The following HPSE2 variants were observed in gnomAD, a reference collection of about 807,000 sequenced individuals.
HPSE2 encodes inactive heparanase-2.
Under a neutral mutation model 60.5 loss-of-function variants are expected in HPSE2, and 38 were observed. The ratio of observed to expected loss-of-function variants is 0.63; its 90% confidence interval spans 0.48 to 0.82. The LOEUF is 0.82. Among genes scored for constraint, HPSE2 ranks in the 40% least tolerant of loss-of-function variants. HPSE2 has a pLI of 0.00. For missense variants in HPSE2, 713 were observed against 740.4 expected, an observed-to-expected ratio of 0.96 and a Z score of 0.43; for synonymous variants, 295 against 293.2, an observed-to-expected ratio of 1.01 and a Z score of -0.06.
At chr10:99,287,657 A>C in the HPSE2 span, among the ~76,000 whole-genome samples, 1 of 152,350 alleles carries the variant, frequency 6.6e-6, no homozygotes, top group African/African-American at 2.4e-5. Context: ...TATCACACCA[A>C]CTTCAAACAT....
At chr10:98,667,579 A>T (rs1947398164) in intron 6 of HPSE2, among the ~76,000 whole-genome samples, 1 of 152,200 alleles carries the variant, frequency 6.6e-6, no homozygotes. Flanking sequence ...TTAATTCACC[A>T]CAATCAAGTA....
At chr10:98,917,576 A>C (rs1163769329) in intron 3 of HPSE2, among the ~76,000 whole-genome samples, 2 of 152,220 alleles carry the variant, frequency 1.3e-5, no homozygotes, top group African/African-American at 4.8e-5. Context: ...CTTTAAAAGG[A>C]AAATAGTATT....
chr10:98,483,999 C>A (rs1004516434), intron 10 of HPSE2, among the ~76,000 whole-genome samples: 3 of 152,132 alleles, frequency 2.0e-5, no homozygotes, highest in African/African-American at 7.2e-5. Flanking sequence ...TCCTCATACC[C>A]CTAAGAACAC....
intron 3 of HPSE2, among the ~76,000 whole-genome samples, chr10:98,804,625 C>CTAA (rs1950998790): frequency 6.6e-6 from 1 of 151,970 alleles, no homozygotes; most frequent in Admixed American, 6.6e-5. Context: ...CAAAGACAGG[C>CTAA]AATAACAAAT....
At chr10:98,619,249 C>T (rs976707111) in intron 8 of HPSE2, among the ~76,000 whole-genome samples, 1 of 152,172 alleles carries the variant, frequency 6.6e-6, no homozygotes, top group Non-Finnish European at 1.5e-5. Flanking sequence ...GTCAAAAATC[C>T]AAGGCCATAG....
the HPSE2 span, among the ~76,000 whole-genome samples, chr10:99,277,573 G>A: frequency 6.6e-6 from 1 of 152,140 alleles, no homozygotes; most frequent in Non-Finnish European, 1.5e-5. Context: ...ACCCCTGAGG[G>A]AACTTAAGAT....
intron 3 of HPSE2, among the ~76,000 whole-genome samples, chr10:98,745,726 A>G (rs1301874793): frequency 6.6e-6 from 1 of 152,180 alleles, no homozygotes; most frequent in African/African-American, 2.4e-5. Flanking sequence ...CAGGTAGTAC[A>G]CAGTTTTAAA....
At chr10:98,762,926 C>A (rs2134392837) in intron 3 of HPSE2, among the ~76,000 whole-genome samples, 1 of 152,194 alleles carries the variant, frequency 6.6e-6, no homozygotes, top group East Asian at 1.9e-4. Flanking sequence ...GACTTGAAAG[C>A]AGCCAGTATA....
chr10:98,727,821 C>T (rs984864278), intron 4 of HPSE2, among the ~76,000 whole-genome samples: 4 of 151,902 alleles, frequency 2.6e-5, no homozygotes, highest in Admixed American at 2.0e-4. Flanking sequence ...TAATCTCATA[C>T]AGGAGAACAC....
At chr10:99,185,461 C>T (rs948801349) in intron 2 of HPSE2, among the ~76,000 whole-genome samples, 1 of 152,032 alleles carries the variant, frequency 6.6e-6, no homozygotes, top group Non-Finnish European at 1.5e-5. Context: ...ATGAAAAAGG[C>T]ACATACAGGT....
intron 3 of HPSE2, among the ~76,000 whole-genome samples, chr10:98,891,461 T>G (rs529958804): frequency 6.6e-6 from 1 of 152,270 alleles, no homozygotes; most frequent in African/African-American, 2.4e-5. Flanking sequence ...TTATTATTTT[T>G]AAGTAGAGAC....
At chr10:99,262,121 C>T in the HPSE2 span, among the ~76,000 whole-genome samples, 1 of 152,160 alleles carries the variant, frequency 6.6e-6, no homozygotes, top group Non-Finnish European at 1.5e-5. Context: ...CTTTGGATAA[C>T]TCTTATAGTG....
At chr10:98,889,096 A>AT (rs371455877) in intron 3 of HPSE2, among the ~76,000 whole-genome samples, 27 of 151,658 alleles carry the variant, frequency 1.8e-4, no homozygotes, top group African/African-American at 4.8e-4. Context: ...AACAACATAG[A>AT]TTTTTTTTTC....
At chr10:99,041,911 C>T (rs1024294395) in intron 3 of HPSE2, among the ~76,000 whole-genome samples, 1 of 152,222 alleles carries the variant, frequency 6.6e-6, no homozygotes, top group African/African-American at 2.4e-5. Context: ...CATGCTGCAG[C>T]TACCATATGA....
chr10:98,880,548 T>C (rs1388198047), intron 3 of HPSE2, among the ~76,000 whole-genome samples: 1 of 152,086 alleles, frequency 6.6e-6, no homozygotes, highest in South Asian at 2.1e-4. Context: ...GAGCTTCATA[T>C]GTGTAACTCA....
Position 98,459,694 on chromosome 10 carries a change from C to T in HPSE2, c.1659G>A (p.Gly553=), listed in dbSNP as rs755811960. The stretch of plus-strand genomic sequence containing the variant: ...GGCGGGGCTTCAATTCTGGGAGGGT[C>T]CCGTCGTCCACCATCACTAAGGGCT... The part of the protein sequence containing the change: ...NGQPLVMVDD[G]TLPELKPRPL... The change falls in exon 12 of 12, where the codon GGG becomes GGA. Residue 553 remains glycine, a synonymous_variant. Coordinates refer to ENST00000370552, the MANE Select transcript of HPSE2 (RefSeq NM_021828.5). 1.9e-6 allele frequency: 3 copies of T among 1,614,032 alleles called. No individual in the cohort carries two copies. In the Admixed American group the frequency reaches 5.0e-5, roughly 27 times the overall value.
chr10:98,773,437 C>T (rs1176762411), intron 3 of HPSE2, among the ~76,000 whole-genome samples: 1 of 152,142 alleles, frequency 6.6e-6, no homozygotes, highest in Non-Finnish European at 1.5e-5. Context: ...GGATATATAG[C>T]AGTGATCTCC....
At chr10:99,280,405 T>C in the HPSE2 span, among the ~76,000 whole-genome samples, 3 of 152,360 alleles carry the variant, frequency 2.0e-5, no homozygotes. Flanking sequence ...TGCTGTATAG[T>C]AATGCCTCAA....
At chr10:98,842,208 G>A (rs189611604) in intron 3 of HPSE2, among the ~76,000 whole-genome samples, 1 of 152,266 alleles carries the variant, frequency 6.6e-6, no homozygotes, top group Admixed American at 6.5e-5. Flanking sequence ...TATCTGTTAT[G>A]AGCCAGATAA....
Sources: allele counts gnomAD v4.1 joint callset (sites outside exome capture counted in the v4.1 genomes callset), GRCh38; gene constraint gnomAD v4.1.1; transcripts MANE v1.5; gene names NCBI Gene and HGNC (gene_info 2026-07-23, HGNC 2026-07-21).